The following TMC1 variants were observed in gnomAD, a reference collection of about 807,000 sequenced individuals.
TMC1 encodes transmembrane channel like 1, also known as transmembrane channel-like protein 1.
TMC1 carries 84 observed loss-of-function variants against 105.8 expected under a neutral mutation model. The ratio of observed to expected loss-of-function variants is 0.79; its 90% CI spans 0.67 to 0.95. The LOEUF (loss-of-function observed/expected upper bound fraction) is 0.95. Among genes scored for constraint, TMC1 ranks in the 40% least tolerant of loss-of-function variants. The pLI, the probability that TMC1 is intolerant of heterozygous loss-of-function variation, is 0.00. For synonymous variants in TMC1, 315 were observed against 311.5 expected (o/e 1.01, Z -0.12); for missense variants, 817 against 914.1 (o/e 0.89, Z 1.37).
chr9:72,730,613 A>T (rs1172528830), intron 8 of TMC1, among the ~76,000 whole-genome samples: 1 of 152,114 alleles, frequency 6.6e-6, no homozygotes, highest in African/African-American at 2.4e-5. Context: ...ATGGATGACA[A>T]TTTTTCCATA....
intron 1 of TMC1, among the ~76,000 whole-genome samples, chr9:72,547,952 G>A (rs13297972): frequency 0.059 from 8,989 of 152,256 alleles, 314 homozygotes; most frequent in Middle Eastern, 0.092. Context: ...GCAGATGGCC[G>A]TCTTCTTGTT....
intron 2 of TMC1, among the ~76,000 whole-genome samples, chr9:72,606,973 G>GTATGTA (rs879549433): frequency 6.0e-5 from 8 of 133,430 alleles, no homozygotes; most frequent in African/African-American, 1.1e-4. Context: ...GTATGTATGT[G>GTATGTA]TGTGTGTGCA....
intron 3 of TMC1, among the ~76,000 whole-genome samples, chr9:72,624,788 G>C (rs774744327): frequency 1.3e-5 from 2 of 152,220 alleles, no homozygotes; most frequent in Non-Finnish European, 2.9e-5. Context: ...CACCTGCAAT[G>C]TGTTCTGAAA....
At chr9:72,802,246 CATACATAT>C (rs940722559) in intron 17 of TMC1, among the ~76,000 whole-genome samples, 9 of 145,590 alleles carry the variant, frequency 6.2e-5, no homozygotes, top group East Asian at 1.9e-4. Flanking sequence ...TACATACATA[CATACATAT>C]ATACATACAT....
In TMC1 at chr9:72,782,443, C is replaced by T. The variant is rs4069946; in HGVS notation, c.885-5896C>T. Among the ~76,000 whole-genome samples the T allele has an allele frequency of 2.8e-3, 432 of 152,074 alleles. 5 individuals carry two copies. Among genetic ancestry groups the T allele is most frequent in the African/African-American group, 8.9e-3 (370 of 41,502 alleles). On this transcript the variant is annotated intron_variant, in intron 13 of 23. Coordinates refer to ENST00000297784, the MANE Select transcript of TMC1 (RefSeq NM_138691.3). ...CTCACTATTCTTATTCAACATAGTA[C>T]GGGAAGTCCTAGCCAGAGCAATTAG... is the stretch of plus-strand genomic sequence containing the variant.
chr9:72,599,679 G>A (rs919686164), intron 2 of TMC1, among the ~76,000 whole-genome samples: 5 of 151,756 alleles, frequency 3.3e-5, no homozygotes, highest in African/African-American at 7.3e-5. Flanking sequence ...CCGTAGAGGC[G>A]GGTGCCTGTC....
At chr9:72,545,137 T>C (rs535753521) in intron 1 of TMC1, among the ~76,000 whole-genome samples, 3,764 of 148,142 alleles carry the variant, frequency 0.025, 71 homozygotes, top group East Asian at 0.088. Context: ...GATATATATA[T>C]ACACACACAC....
intron 5 of TMC1, among the ~76,000 whole-genome samples, chr9:72,683,524 T>TAAA (rs145112271): frequency 4.0e-5 from 6 of 149,354 alleles, no homozygotes; most frequent in South Asian, 2.1e-4. Context: ...GGTTTTTTTT[T>TAAA]AAAAAAATCA....
chr9:72,524,380 G>A (rs12353502), intron 1 of TMC1, among the ~76,000 whole-genome samples: 11,358 of 152,140 alleles, frequency 0.075, 840 homozygotes, highest in African/African-American at 0.19. Flanking sequence ...TGTCTTTTTA[G>A]TATTTACCAT....
intron 12 of TMC1, among the ~76,000 whole-genome samples, chr9:72,765,935 G>T (rs527286562): frequency 8.5e-4 from 130 of 152,304 alleles, no homozygotes; most frequent in African/African-American, 2.9e-3. Context: ...AGTTAAAAAT[G>T]CAGTGTAGCA....
intron 12 of TMC1, among the ~76,000 whole-genome samples, chr9:72,755,429 G>A (rs1461088842): frequency 6.6e-6 from 1 of 151,942 alleles, no homozygotes; most frequent in East Asian, 1.9e-4. Flanking sequence ...GCTAAATATT[G>A]AAAACTAAGA....
chr9:72,731,989 A>G (rs1249978348), intron 8 of TMC1, among the ~76,000 whole-genome samples: 2 of 152,200 alleles, frequency 1.3e-5, no homozygotes, highest in Non-Finnish European at 1.5e-5. Context: ...TGAAATTGTA[A>G]ATTCCTTACA....
intron 5 of TMC1, among the ~76,000 whole-genome samples, chr9:72,685,415 G>A (rs549979446): frequency 3.6e-4 from 53 of 147,660 alleles, no homozygotes; most frequent in Middle Eastern, 3.5e-3. Flanking sequence ...CCAGGCTGGA[G>A]AGCAGTGGCA....
chr9:72,759,747 T>C (rs560681250), intron 12 of TMC1, among the ~76,000 whole-genome samples: 118 of 152,300 alleles, frequency 7.7e-4, no homozygotes, highest in African/African-American at 2.7e-3. Flanking sequence ...TTCGATATCT[T>C]CCATCCTATA....
At chr9:72,788,299 A>AT (rs1187415755) in intron 13 of TMC1, 40 bp from the exon 14 acceptor site, 4 of 1,613,014 alleles carry the variant, frequency 2.5e-6, no homozygotes, top group South Asian at 1.1e-5. Context: ...CCCCTATCTC[A>AT]TTTTTTCTGG....
At chr9:72,591,216 C>T (rs1194221848) in intron 2 of TMC1, among the ~76,000 whole-genome samples, 1 of 152,062 alleles carries the variant, frequency 6.6e-6, no homozygotes, top group Non-Finnish European at 1.5e-5. Flanking sequence ...GGTGGCACCT[C>T]TACTTAAGAC....
Position 72,779,668 on chromosome 9 carries a change from C to T in TMC1, c.884+7113C>T, listed in dbSNP as rs553964081. On this transcript the variant is annotated intron_variant, in intron 13 of 23. Coordinates refer to ENST00000297784, the MANE Select transcript of TMC1 (RefSeq NM_138691.3). ...CCAAGCTGAGGAAAGAATCTCAGAG[C>T]TCAAAAGTGGTTCTTCAAATTGACT... is the stretch of plus-strand genomic sequence containing the variant. Among the ~76,000 whole-genome samples, 4 of 152,140 alleles carry T rather than the reference C, an allele frequency of 2.6e-5. No individual in the cohort carries two copies. The East Asian group carries it at 7.7e-4, about 29-fold the overall frequency.
At chr9:72,664,058 T>C (rs1564476393) in intron 5 of TMC1, among the ~76,000 whole-genome samples, 2 of 152,210 alleles carry the variant, frequency 1.3e-5, no homozygotes, top group Admixed American at 1.3e-4. Context: ...TGCCTTCTTC[T>C]GGAATACCTC....
chr9:72,619,808 A>T (rs1032185920), intron 3 of TMC1, among the ~76,000 whole-genome samples: 11 of 146,768 alleles, frequency 7.5e-5, no homozygotes, highest in African/African-American at 2.7e-4. Flanking sequence ...AATTTAACTT[A>T]TTTAATTAAT....
Sources: allele counts gnomAD v4.1 joint callset (sites outside exome capture counted in the v4.1 genomes callset), GRCh38; gene constraint gnomAD v4.1.1; transcripts MANE v1.5; gene names NCBI Gene and HGNC (gene_info 2026-07-23, HGNC 2026-07-21).